The following AKAP9 variants were observed in gnomAD, a reference collection of about 807,000 sequenced individuals.
The protein encoded by AKAP9 is A-kinase anchor protein 9.
A neutral mutation model predicts 488.5 loss-of-function variants in AKAP9; 311 were observed. The ratio of observed to expected loss-of-function variants is 0.64; its 90% confidence interval spans 0.58 to 0.70. The LOEUF (loss-of-function observed/expected upper bound fraction) is 0.70. Among genes scored for constraint, AKAP9 ranks in the 30% least tolerant of loss-of-function variants. The pLI, the probability that AKAP9 is intolerant of heterozygous loss-of-function variation, is 0.00. For missense variants in AKAP9, 4,215 were observed against 4,374.5 expected, an observed-to-expected ratio of 0.96 and a Z score of 1.03; for synonymous variants, 1,462 against 1,483.5, an observed-to-expected ratio of 0.99 and a Z score of 0.33.
chr7:92,086,396 G>A lies in AKAP9; in HGVS notation c.9193G>A (p.Glu3065Lys). 1.9e-6 allele frequency: 3 copies of A among 1,613,672 alleles called. No individual in the cohort carries two copies. Among genetic ancestry groups the A allele is most frequent in the African/African-American group, 1.3e-5 (1 of 74,998 alleles). The stretch of plus-strand genomic sequence containing the variant: ...TGCAGTTGGTTTACTAAACTGTTTG[G>A]AACAGAGAATACAAGAACAGGTATA... ...TDAVGLLNCL[E>K]QRIQEQGVEY... The change falls in exon 37 of 50, where the codon GAA (glutamate) becomes AAA (lysine). Residue 3065 changes from glutamate to lysine, a missense_variant. Physicochemically the swap from Glu to Lys is moderately conservative, Grantham distance 56. Around this residue, in one of 5 missense-constraint regions of AKAP9, gnomAD observed 1,476 missense variants for 1,477.4 expected, o/e 1.00. Transcript: ENST00000356239.
intron 3 of AKAP9, among the ~76,000 whole-genome samples, chr7:91,986,917 G>A (rs963458723): frequency 7.9e-5 from 12 of 151,216 alleles, no homozygotes; most frequent in Non-Finnish European, 1.5e-4. Context: ...TATATTTATA[G>A]TTATATACAT....
chr7:92,028,282 G>T (rs1282255477), intron 14 of AKAP9, among the ~76,000 whole-genome samples: 3 of 54,254 alleles, frequency 5.5e-5, no homozygotes, highest in Non-Finnish European at 1.0e-4. Flanking sequence ...ACCCAAGAAT[G>T]ATCAATAAAT....
At chr7:91,981,953 T>G (rs1458065460) in intron 3 of AKAP9, among the ~76,000 whole-genome samples, 1 of 152,172 alleles carries the variant, frequency 6.6e-6, no homozygotes, top group African/African-American at 2.4e-5. Flanking sequence ...GTGCTTAAAC[T>G]GCCTGTATCT....
chr7:91,952,732 C>T (rs1490045632), intron 1 of AKAP9, among the ~76,000 whole-genome samples: 2 of 152,176 alleles, frequency 1.3e-5, no homozygotes, highest in Non-Finnish European at 2.9e-5. Context: ...TAGGCTAGGG[C>T]TCCATCTTGA....
At chr7:92,008,850 G>A (rs1350363012) in intron 8 of AKAP9, among the ~76,000 whole-genome samples, 1 of 151,576 alleles carries the variant, frequency 6.6e-6, no homozygotes, top group East Asian at 1.9e-4. Context: ...GCTGGGCATG[G>A]TAGCGTGCAC....
At chr7:91,948,458 G>T (rs536659829) in intron 1 of AKAP9, among the ~76,000 whole-genome samples, 47 of 151,056 alleles carry the variant, frequency 3.1e-4, no homozygotes, top group African/African-American at 1.1e-3. Flanking sequence ...TGTTTTTTTT[G>T]TTTGTTTGTT....
At chr7:92,064,804 T>G (rs74969983) in intron 24 of AKAP9, among the ~76,000 whole-genome samples, 18,214 of 152,212 alleles carry the variant, frequency 0.12, 1,245 homozygotes, top group East Asian at 0.37. Context: ...TTCATGTTTA[T>G]TGTGTATGCA....
Position 92,022,871 on chromosome 7 carries a change from A to C in AKAP9, c.4010A>C (p.Glu1337Ala). The change falls in exon 14 of 50, where the codon GAA becomes GCA. Residue 1337 changes from glutamate (E) to alanine (A), a missense_variant. Coordinates refer to ENST00000356239, the MANE Select transcript of AKAP9 (RefSeq NM_005751.5). ...CAAGATCTTGAAAAAACTAAACTTG[A>C]AGAACAAGTTCAAGAATTAGAAAGC... is the stretch of plus-strand genomic sequence containing the variant. ...SLQDLEKTKL[E>A]EQVQELESLI... 2 of 1,516,044 alleles carry C rather than the reference A, an allele frequency of 1.3e-6. No individual in the cohort carries two copies. Among genetic ancestry groups the C allele is most frequent in the Non-Finnish European group, 1.8e-6 (2 of 1,103,828 alleles). 93.9% of individuals were successfully genotyped at this position (1,516,044 alleles called of 1,614,324 possible).
chr7:91,953,914 T>C (rs1792612415), intron 1 of AKAP9, among the ~76,000 whole-genome samples: 1 of 151,146 alleles, frequency 6.6e-6, no homozygotes, highest in African/African-American at 2.4e-5. Context: ...AACCATTATG[T>C]GTTTCTTTTT....
Position 92,093,245 on chromosome 7 carries a change from A to G in AKAP9, c.9507A>G (p.Ala3169=). 2 of 1,614,132 alleles carry G rather than the reference A, an allele frequency of 1.2e-6. 1 individual carries two copies. Among genetic ancestry groups the G allele is most frequent in the South Asian group, 2.2e-5 (2 of 91,088 alleles). The stretch of plus-strand genomic sequence containing the variant: ...TTGCTGAACTGAAGAGTGAGCTTGC[A>G]CAAACTAAATTGGAACTAGAAACAA... The part of the protein sequence containing the change: ...MVVAELKSEL[A]QTKLELETTL... Residue 3169 remains alanine (A), a synonymous_variant, in exon 39 of 50, where the codon GCA becomes GCG. Transcript: ENST00000356239.
chr7:91,990,698 C>T (rs1398796290), intron 3 of AKAP9, among the ~76,000 whole-genome samples: 4 of 152,042 alleles, frequency 2.6e-5, no homozygotes, highest in African/African-American at 9.7e-5. Context: ...TCATGTAATA[C>T]TGACAGTTAT....
intron 22 of AKAP9, 39 bp downstream of exon 22, chr7:92,052,997 GT>G (rs879075480): frequency 1.3e-6 from 2 of 1,491,752 alleles, no homozygotes; most frequent in South Asian, 2.3e-5. Flanking sequence ...TGAGTTTGAA[GT>G]ACAATATACT....
chr7:92,101,376 G>T (rs568639535), intron 45 of AKAP9, among the ~76,000 whole-genome samples: 155 of 151,714 alleles, frequency 1.0e-3, no homozygotes, highest in African/African-American at 3.7e-3. Context: ...AGCGGAGGTT[G>T]CAGTGAGCCG....
rs571722862 is a variant in AKAP9, at chr7:91,962,458, T to C, written c.49-11253T>C. ...GTTTTTAATGTAGTAGAATTAAATA[T>C]GCCCGTTAAACTGTTTTGGTTCTCA... On this transcript the variant is annotated intron_variant, in intron 1 of 49. Coordinates refer to ENST00000356239, the MANE Select transcript of AKAP9 (RefSeq NM_005751.5). Among the ~76,000 whole-genome samples the C allele has an allele frequency of 1.7e-4, 26 of 152,326 alleles. No homozygotes were observed. The South Asian group carries it at 5.0e-3, about 29-fold the overall frequency.
intron 3 of AKAP9, 36 bp from the exon 4 acceptor site, chr7:91,992,122 A>G: frequency 1.3e-6 from 2 of 1,496,880 alleles, no homozygotes; most frequent in Non-Finnish European, 1.9e-6. Context: ...AATTATGTCT[A>G]AGATCATAAT....
At chr7:92,011,324 A>G (rs1800715098) in intron 8 of AKAP9, among the ~76,000 whole-genome samples, 2 of 152,236 alleles carry the variant, frequency 1.3e-5, no homozygotes, top group South Asian at 4.1e-4. Flanking sequence ...TAAACCCTAC[A>G]TAAGATGCTT....
rs942621706 is a variant in AKAP9 at position 92,082,625 on chromosome 7, A to G, written c.8123A>G (p.Tyr2708Cys). The change falls in exon 32 of 50, where the codon TAT becomes TGT. Residue 2708 changes from tyrosine (Y) to cysteine (C), a missense_variant. By Grantham distance (194) the Tyr-to-Cys change is radical. Transcript: ENST00000356239. The part of the protein sequence containing the change: ...SVATKAELAS[Y>C]KEKAEKLQEE... ...GCTACCAAAGCAGAACTTGCCAGTTATAAAGAAAAGGCTGAAAAACTTCAA... is the reference window on the plus strand; with the variant it reads ...GCTACCAAAGCAGAACTTGCCAGTTGTAAAGAAAAGGCTGAAAAACTTCAA... 1 of 1,614,080 alleles carries G rather than the reference A, an allele frequency of 6.2e-7. No individual in the cohort carries two copies. Among genetic ancestry groups the G allele is most frequent in the Non-Finnish European group, 8.5e-7 (1 of 1,179,968 alleles).
intron 1 of AKAP9, among the ~76,000 whole-genome samples, chr7:91,961,686 T>C (rs1049165700): frequency 2.0e-5 from 3 of 151,414 alleles, no homozygotes; most frequent in Non-Finnish European, 2.9e-5. Context: ...CCACTAAAAA[T>C]ACAAAAAATT....
chr7:92,027,104 C>G (rs1803337471), intron 14 of AKAP9, among the ~76,000 whole-genome samples: 1 of 136,250 alleles, frequency 7.3e-6, no homozygotes, highest in African/African-American at 2.8e-5. Flanking sequence ...GCCACCCCAT[C>G]TAGGAAGTGA....
Sources: gnomAD v4.1 joint callset for allele counts (sites outside exome capture counted in the v4.1 genomes callset) on GRCh38, gnomAD v4.1.1 for gene constraint, gnomAD v4.1.1 regional missense constraint, MANE v1.5 for transcripts, NCBI Gene and HGNC (gene_info 2026-07-23, HGNC 2026-07-21) for gene names.